AGBL1: variants seen among roughly 807,000 people sequenced by gnomAD.
The protein encoded by AGBL1 is AGBL carboxypeptidase 1.
In AGBL1, 130 loss-of-function variants were observed where a neutral mutation model predicts 118.9. The ratio of observed to expected loss-of-function variants is 1.09; its 90% CI spans 0.95 to 1.26. The LOEUF is 1.26. Among genes scored for constraint, AGBL1 ranks in the 50% most tolerant of loss-of-function variants. The pLI is 0.00. For missense variants in AGBL1, 1,584 were observed against 1,298.1 expected, an observed-to-expected ratio of 1.22 and a Z score of -3.38; for synonymous variants, 555 against 478.9, an observed-to-expected ratio of 1.16 and a Z score of -2.08.
At position 86,131,649 on chromosome 15, in the gene AGBL1, GTAA is replaced by G. The variant is rs2141610813; in HGVS notation, c.52-10350_52-10348del. 2.0e-5 allele frequency among the ~76,000 whole-genome samples: 3 copies of G among 152,170 alleles called. 1 individual carries two copies. The highest frequency in any genetic ancestry group is 7.2e-5 in the African/African-American group (3 of 41,532). On this transcript the variant is annotated intron_variant, in intron 1 of 22. Transcript: ENST00000614907. ...TCTGAAACAAGGTAGACACCGAATG[GTAA>G]TAATCATAATATTGGCCAGGTGCGG...
chr15:86,777,967 C>A (rs1459850516), intron 22 of AGBL1, among the ~76,000 whole-genome samples: 1 of 152,104 alleles, frequency 6.6e-6, no homozygotes, highest in Non-Finnish European at 1.5e-5. Context: ...GGGCGAAGTT[C>A]ACCCCCAATA....
At chr15:86,213,003 T>C (rs949196044) in intron 5 of AGBL1, among the ~76,000 whole-genome samples, 1 of 152,218 alleles carries the variant, frequency 6.6e-6, no homozygotes, top group Admixed American at 6.5e-5. Context: ...ACGATCTTAA[T>C]TTCTAAACAC....
chr15:86,852,885 C>T (rs900792703), intron 22 of AGBL1, among the ~76,000 whole-genome samples: 3 of 152,218 alleles, frequency 2.0e-5, no homozygotes, highest in Non-Finnish European at 2.9e-5. Context: ...TTTTAAAGTG[C>T]ACAGACTTCA....
intron 5 of AGBL1, among the ~76,000 whole-genome samples, chr15:86,204,013 A>G (rs1342244640): frequency 1.3e-5 from 2 of 152,088 alleles, no homozygotes; most frequent in Non-Finnish European, 2.9e-5. Flanking sequence ...TTTACATGAC[A>G]CTCCTAGATA....
At chr15:86,766,569 A>T (rs879381409) in intron 22 of AGBL1, among the ~76,000 whole-genome samples, 84 of 151,712 alleles carry the variant, frequency 5.5e-4, no homozygotes, top group Non-Finnish European at 8.5e-4. Flanking sequence ...TGGTCATATA[A>T]TTTTTTTTCT....
At chr15:86,687,661 CTAAG>C (rs1461676524) in intron 22 of AGBL1, among the ~76,000 whole-genome samples, 1 of 152,160 alleles carries the variant, frequency 6.6e-6, no homozygotes, top group Non-Finnish European at 1.5e-5. Context: ...AAAGCATAGG[CTAAG>C]TTAGTTCCAC....
chr15:86,291,261 A>C (rs1333889338), intron 16 of AGBL1, among the ~76,000 whole-genome samples: 5 of 152,194 alleles, frequency 3.3e-5, no homozygotes, highest in African/African-American at 1.2e-4. Context: ...TCTTCTTTCA[A>C]GATCTAAGCA....
chr15:86,996,348 A>G (rs754367152), intron 24 of AGBL1, among the ~76,000 whole-genome samples: 2 of 152,146 alleles, frequency 1.3e-5, no homozygotes, highest in Non-Finnish European at 1.5e-5. Context: ...AAGGAAGTCA[A>G]CTATCCTGAC....
intron 1 of AGBL1, among the ~76,000 whole-genome samples, chr15:86,121,833 ACAGTGTGGTATAGTT>A (rs1898111410): frequency 6.6e-6 from 1 of 152,216 alleles, no homozygotes; most frequent in South Asian, 2.1e-4. Flanking sequence ...TTTTCGTTCC[ACAGTGTGGTATAGTT>A]CAGTGTTGCC....
chr15:86,814,662 C>T (rs939673914), intron 22 of AGBL1, among the ~76,000 whole-genome samples: 1 of 152,168 alleles, frequency 6.6e-6, no homozygotes, highest in South Asian at 2.1e-4. Context: ...TCAAATGATT[C>T]TATTATCATG....
chr15:87,019,926 G>T (rs1041438446), intron 24 of AGBL1, among the ~76,000 whole-genome samples: 2 of 151,854 alleles, frequency 1.3e-5, no homozygotes, highest in African/African-American at 4.8e-5. Flanking sequence ...AAATGATGAG[G>T]ATATCACCAC....
At chr15:86,185,955 T>A (rs535369332) in intron 5 of AGBL1, among the ~76,000 whole-genome samples, 9 of 152,138 alleles carry the variant, frequency 5.9e-5, no homozygotes, top group Admixed American at 4.6e-4. Context: ...AAAATAAAAA[T>A]TTTTTTTCTC....
intron 20 of AGBL1, among the ~76,000 whole-genome samples, chr15:86,553,352 A>G (rs2083689119): frequency 6.6e-6 from 1 of 152,146 alleles, no homozygotes. Flanking sequence ...CCTTTCTGTC[A>G]ATCAGGGTGT....
At chr15:86,658,839 G>A (rs1322226131) in intron 21 of AGBL1, among the ~76,000 whole-genome samples, 1 of 152,150 alleles carries the variant, frequency 6.6e-6, no homozygotes, top group Non-Finnish European at 1.5e-5. Flanking sequence ...ACACTAAGGA[G>A]AGCAATCCTC....
chr15:86,134,521 C>A (rs1359672161), intron 1 of AGBL1, among the ~76,000 whole-genome samples: 1 of 149,924 alleles, frequency 6.7e-6, no homozygotes, highest in Admixed American at 6.7e-5. Context: ...AAAATTGGAT[C>A]TAGACTTGTG....
intron 22 of AGBL1, among the ~76,000 whole-genome samples, chr15:86,684,558 C>G (rs1167287539): frequency 1.3e-5 from 2 of 151,734 alleles, no homozygotes; most frequent in Non-Finnish European, 2.9e-5. Context: ...TGGGCTCAAG[C>G]AGTCCTCTTG....
chr15:86,628,688 TG>T (rs1354297664), intron 21 of AGBL1, among the ~76,000 whole-genome samples: 1 of 151,762 alleles, frequency 6.6e-6, no homozygotes, highest in Non-Finnish European at 1.5e-5. Context: ...CCCAGCTACT[TG>T]GGAGGCTGAG....
intron 5 of AGBL1, among the ~76,000 whole-genome samples, chr15:86,201,553 C>T (rs1224876278): frequency 6.6e-6 from 1 of 152,102 alleles, no homozygotes; most frequent in Non-Finnish European, 1.5e-5. Context: ...AGATCCTTTC[C>T]CTCTCAACAC....
intron 20 of AGBL1, among the ~76,000 whole-genome samples, chr15:86,549,884 TGGAGGGAG>T (rs1289626161): frequency 1.1e-4 from 2 of 19,010 alleles, no homozygotes; most frequent in African/African-American, 1.5e-4. Flanking sequence ...GGGAGGGGAG[TGGAGGGAG>T]GGAGGGAGGG....
Sources: gnomAD v4.1 joint callset for allele counts (sites outside exome capture counted in the v4.1 genomes callset) on GRCh38, gnomAD v4.1.1 for gene constraint, MANE v1.5 for transcripts, NCBI Gene and HGNC (gene_info 2026-07-23, HGNC 2026-07-21) for gene names.